The following PRDM16 variants were observed in gnomAD, a reference collection of about 807,000 sequenced individuals.
PRDM16 encodes the protein PR/SET domain 16.
PRDM16 carries 23 observed loss-of-function variants against 110.6 expected under a neutral mutation model. The observed-to-expected ratio is 0.21, with a 90% CI of 0.15 to 0.29. The LOEUF is 0.29. Ranked by LOEUF, PRDM16 falls within the 10% of genes least tolerant of loss-of-function variation. PRDM16 has a pLI of 1.00. For synonymous variants in PRDM16, 799 were observed against 781.8 expected (o/e 1.02, Z -0.37); for missense variants, 1,615 against 1,794.3 (o/e 0.90, Z 1.81).
chr1:3,119,041 G>T (rs893557441), intron 1 of PRDM16, among the ~76,000 whole-genome samples: 1 of 152,214 alleles, frequency 6.6e-6, no homozygotes, highest in Non-Finnish European at 1.5e-5. Flanking sequence ...GTAGAGCTGG[G>T]GGTGGCCCGG....
rs1643870264 is a variant in PRDM16, at chr1:3,157,787, G to T, written c.38-28338G>T. On this transcript the variant is annotated intron_variant, in intron 1 of 16. Transcript: ENST00000270722. This position sits in a 1 kb window ranked among gnomAD's most constrained non-coding sequence, Gnocchi z 4.8. ...ACACCCAGATGGACAGAGCTCGTCG[G>T]TTGGCTGAGGCTGGGGATGTGTCCA... 6.6e-6 allele frequency among the ~76,000 whole-genome samples: 1 copy of T among 152,186 alleles called. No homozygotes were observed. The highest frequency in any genetic ancestry group is 2.1e-4 in the South Asian group (1 of 4,832).
At chr1:3,083,869 T>C (rs535310208) in intron 1 of PRDM16, among the ~76,000 whole-genome samples, 3 of 152,300 alleles carry the variant, frequency 2.0e-5, no homozygotes, top group African/African-American at 7.2e-5. Flanking sequence ...GGCTTCACCG[T>C]AATCAGCACA....
intron 2 of PRDM16, among the ~76,000 whole-genome samples, chr1:3,198,133 G>A (rs148635299): frequency 2.6e-3 from 398 of 152,322 alleles, no homozygotes; most frequent in South Asian, 0.011. Context: ...CCTGCACGCG[G>A]GTAGAATCTG....
At chr1:3,156,835 T>C (rs942556292) in intron 1 of PRDM16, among the ~76,000 whole-genome samples, 2 of 152,106 alleles carry the variant, frequency 1.3e-5, no homozygotes, top group Admixed American at 6.5e-5. Flanking sequence ...GCAGAGGAAG[T>C]GGCTTCTGTC....
intron 3 of PRDM16, among the ~76,000 whole-genome samples, chr1:3,360,367 G>A (rs1163262156): frequency 2.0e-5 from 3 of 152,204 alleles, no homozygotes; most frequent in African/African-American, 7.2e-5. Context: ...TGGGTGTGCC[G>A]GGCCACAGGT....
chr1:3,240,089 AG>A (rs1639633724), intron 2 of PRDM16, among the ~76,000 whole-genome samples: 1 of 144,746 alleles, frequency 6.9e-6, no homozygotes, highest in South Asian at 2.3e-4. Flanking sequence ...AGGAGAGGAG[AG>A]GAGAGGAGAG....
At chr1:3,228,454 C>A (rs929491511) in intron 2 of PRDM16, among the ~76,000 whole-genome samples, 2 of 152,172 alleles carry the variant, frequency 1.3e-5, no homozygotes, top group Admixed American at 6.5e-5. Flanking sequence ...AGTTTTTGTG[C>A]GCCTCTCAGA....
At chr1:3,430,763 G>A (rs1235364019) in intron 14 of PRDM16, 109 bp from the exon 15 acceptor site, 1 of 1,313,858 alleles carries the variant, frequency 7.6e-7, no homozygotes, top group Non-Finnish European at 1.1e-6. Flanking sequence ...AGGGGGCTGA[G>A]TGTTGTCGGG....
At chr1:3,367,036 G>A (rs137947147) in intron 3 of PRDM16, among the ~76,000 whole-genome samples, 4,054 of 152,334 alleles carry the variant, frequency 0.027, 180 homozygotes, top group African/African-American at 0.089. Context: ...GGGAGGCCGA[G>A]GCCGGTGGAT....
At chr1:3,135,111 T>G (rs1005987047) in intron 1 of PRDM16, among the ~76,000 whole-genome samples, 1 of 152,236 alleles carries the variant, frequency 6.6e-6, no homozygotes. Context: ...GAGCTCGCTC[T>G]TTATTTTGGG....
At position 3,433,772 on chromosome 1, in the gene PRDM16, G is replaced by A. The variant is rs566695262; in HGVS notation, c.3792G>A (p.Thr1264=). Residue 1264 remains threonine, a synonymous_variant, in exon 17 of 17, where the codon ACG becomes ACA. Coordinates refer to ENST00000270722, the MANE Select transcript of PRDM16 (RefSeq NM_022114.4). ...LDAWLKVTGA[T]SESGAFHPIN... The stretch of plus-strand genomic sequence containing the variant: ...CTTGGTTGAAGGTCACTGGAGCCAC[G>A]TCGGAGTCTGGAGCATTTCACCCCA... The A allele has an allele frequency of 2.3e-5, 37 of 1,613,822 alleles. No individual in the cohort carries two copies. The highest frequency in any genetic ancestry group is 7.7e-5 in the South Asian group (7 of 91,086).
intron 1 of PRDM16, among the ~76,000 whole-genome samples, chr1:3,127,160 T>C (rs1201099437): frequency 2.0e-5 from 3 of 152,246 alleles, no homozygotes; most frequent in African/African-American, 4.8e-5. Flanking sequence ...AAACTCAAAA[T>C]AGATTTCAGC....
intron 1 of PRDM16, among the ~76,000 whole-genome samples, chr1:3,139,894 C>T (rs1643513596): frequency 6.6e-6 from 1 of 152,232 alleles, no homozygotes; most frequent in South Asian, 2.1e-4. Context: ...CAGAGCTGTC[C>T]CCTCGCCGGG....
At chr1:3,253,139 G>A (rs1181829137) in intron 3 of PRDM16, among the ~76,000 whole-genome samples, 3 of 151,872 alleles carry the variant, frequency 2.0e-5, no homozygotes, top group Non-Finnish European at 4.4e-5. Context: ...CATCCAGGTA[G>A]TATCACCCCC....
Position 3,261,634 on chromosome 1 carries a change from G to A in PRDM16, c.438+17497G>A, listed in dbSNP as rs183142875. Reference sequence around the variant, plus strand: ...CACACGGCATTGCCCACCAGCCCACGCACACACCAGACCCACCTAACTGGG... The same window carrying A: ...CACACGGCATTGCCCACCAGCCCACACACACACCAGACCCACCTAACTGGG... On this transcript the variant is annotated intron_variant, in intron 3 of 16. Transcript: ENST00000270722. Among the ~76,000 whole-genome samples the A allele has an allele frequency of 3.9e-3, 593 of 152,250 alleles. 4 individuals are homozygous for A. The highest frequency in any genetic ancestry group is 0.014 in the African/African-American group (565 of 41,546).
chr1:3,369,739 C>A (rs139016765), intron 3 of PRDM16, among the ~76,000 whole-genome samples: 2 of 152,368 alleles, frequency 1.3e-5, no homozygotes, highest in East Asian at 3.9e-4. Context: ...TTTTTATGCA[C>A]GCATACCTGG....
intron 1 of PRDM16, among the ~76,000 whole-genome samples, chr1:3,088,102 A>G (rs1479046677): frequency 1.3e-5 from 2 of 152,004 alleles, no homozygotes; most frequent in Non-Finnish European, 2.9e-5. Flanking sequence ...TCTATTTTCT[A>G]CATTCTCCCT....
At chr1:3,422,639 T>C (rs1330056454) in intron 12 of PRDM16, among the ~76,000 whole-genome samples, 1 of 152,246 alleles carries the variant, frequency 6.6e-6, no homozygotes, top group Non-Finnish European at 1.5e-5. Context: ...GAAAATGCAT[T>C]GGAGGGTGTA....
chr1:3,211,767 C>T (rs1638888687), intron 2 of PRDM16, among the ~76,000 whole-genome samples: 1 of 152,234 alleles, frequency 6.6e-6, no homozygotes, highest in Non-Finnish European at 1.5e-5. Flanking sequence ...GAACAGCACA[C>T]GGTGGCCCAT....
Sources: gnomAD v4.1 joint callset for allele counts (sites outside exome capture counted in the v4.1 genomes callset) on GRCh38, gnomAD v4.1.1 for gene constraint, Gnocchi (gnomAD v3.1) non-coding constraint, MANE v1.5 for transcripts, NCBI Gene and HGNC (gene_info 2026-07-23, HGNC 2026-07-21) for gene names.